The following LDLRAD3 variants were observed in gnomAD, a reference collection of about 807,000 sequenced individuals.
LDLRAD3 encodes low density lipoprotein receptor class A domain containing 3, also known as low-density lipoprotein receptor class A domain-containing protein 3.
Under a neutral mutation model 29.4 loss-of-function variants are expected in LDLRAD3, and 20 were observed. The observed-to-expected ratio is 0.68, with a 90% CI of 0.48 to 0.99. The LOEUF is 0.99. Ranked by LOEUF, LDLRAD3 falls within the 50% of genes least tolerant of loss-of-function variation. LDLRAD3 has a pLI of 0.00. For missense variants in LDLRAD3, 420 were observed against 454.3 expected (o/e 0.92, Z 0.69); for synonymous variants, 157 against 192.7 (o/e 0.81, Z 1.53).
chr11:36,169,888 GT>G (rs1419729409), intron 4 of LDLRAD3, among the ~76,000 whole-genome samples: 1 of 152,048 alleles, frequency 6.6e-6, no homozygotes, highest in African/African-American at 2.4e-5. Flanking sequence ...AATTCAATAG[GT>G]TTTTGGGGAA....
intron 4 of LDLRAD3, among the ~76,000 whole-genome samples, chr11:36,164,721 C>A (rs928931441): frequency 4.6e-5 from 7 of 152,206 alleles, no homozygotes; most frequent in African/African-American, 1.7e-4. Context: ...TCTGACTCTT[C>A]CTTTAACTTC....
intron 1 of LDLRAD3, among the ~76,000 whole-genome samples, chr11:36,019,242 A>G (rs984162099): frequency 1.3e-5 from 2 of 152,202 alleles, no homozygotes; most frequent in Non-Finnish European, 2.9e-5. Flanking sequence ...GCGGGTGTTC[A>G]GTGCAAAGCT....
chr11:36,188,272 T>C (rs1244922779), intron 4 of LDLRAD3, among the ~76,000 whole-genome samples: 2 of 147,570 alleles, frequency 1.4e-5, no homozygotes, highest in African/African-American at 5.0e-5. Context: ...TTTAAAGTGG[T>C]AACTTGAATA....
intron 2 of LDLRAD3, among the ~76,000 whole-genome samples, chr11:36,060,934 A>T (rs1852688774): frequency 6.6e-6 from 1 of 152,206 alleles, no homozygotes; most frequent in Admixed American, 6.5e-5. Flanking sequence ...ATAACAGATA[A>T]ATATGTATAT....
chr11:35,984,451 G>C (rs572134968), intron 1 of LDLRAD3, among the ~76,000 whole-genome samples: 1 of 152,316 alleles, frequency 6.6e-6, no homozygotes, highest in East Asian at 1.9e-4. Context: ...ACTTTCAGCA[G>C]CAAGTGACTT....
rs1851022777 is a variant in LDLRAD3 at position 35,944,114 on chromosome 11, C to T, written c.16C>T (p.Pro6Ser). The T allele has an allele frequency of 9.4e-7, 1 of 1,067,214 alleles. No homozygotes were observed. The allele number at this position is 1,067,214 out of a possible 1,614,324, so 66.1% of individuals were successfully genotyped here. A position where few individuals can be genotyped will look rare whatever the true frequency, so the allele number is the denominator to read the frequency against. The part of the protein sequence containing the change: MWLLG[P>S]LCLLLSSAAE... Reference sequence around the variant, plus strand: ...CGGCCGCGCCATGTGGCTGCTGGGGCCGCTGTGCCTGCTGCTGAGCAGCGC... The same window carrying T: ...CGGCCGCGCCATGTGGCTGCTGGGGTCGCTGTGCCTGCTGCTGAGCAGCGC... Residue 6 changes from proline to serine, a missense_variant, in exon 1 of 6, where the codon CCG (proline) becomes TCG (serine). By Grantham distance (74) the Pro-to-Ser change is moderately conservative. Coordinates refer to ENST00000315571, the MANE Select transcript of LDLRAD3 (RefSeq NM_174902.4). This position sits in a 1 kb window ranked among gnomAD's most constrained non-coding sequence, Gnocchi z 4.9.
chr11:36,212,337 A>G (rs1274314000), intron 4 of LDLRAD3, among the ~76,000 whole-genome samples: 1 of 152,102 alleles, frequency 6.6e-6, no homozygotes, highest in South Asian at 2.1e-4. Flanking sequence ...TGTGGCCTGC[A>G]GTAGGAGAGG....
At chr11:36,118,516 A>AGAGAGAGAGAGAGAAGGAGG (rs1853706124) in intron 4 of LDLRAD3, among the ~76,000 whole-genome samples, 2 of 151,070 alleles carry the variant, frequency 1.3e-5, no homozygotes, top group Non-Finnish European at 3.0e-5. Flanking sequence ...TGTGTGTGAG[A>AGAGAGAGAGAGAGAAGGAGG]GAGAGAGAGA....
intron 4 of LDLRAD3, among the ~76,000 whole-genome samples, chr11:36,226,335 C>A (rs568342616): frequency 1.3e-5 from 2 of 152,154 alleles, no homozygotes; most frequent in African/African-American, 4.8e-5. Flanking sequence ...CTGGGCTGTG[C>A]TGGCTCTCCA....
chr11:35,995,953 G>C (rs1851748513), intron 1 of LDLRAD3, among the ~76,000 whole-genome samples: 1 of 152,204 alleles, frequency 6.6e-6, no homozygotes, highest in South Asian at 2.1e-4. Flanking sequence ...TGGCTGGTTT[G>C]ATTTTTCTCT....
chr11:36,226,997 C>T, intron 4 of LDLRAD3, 88 bp from the exon 5 acceptor site: 1 of 1,052,436 alleles, frequency 9.5e-7, no homozygotes. Flanking sequence ...TGAACATTCG[C>T]ATGCAAGTTC....
chr11:36,003,409 C>G (rs1851848392), intron 1 of LDLRAD3, among the ~76,000 whole-genome samples: 1 of 152,192 alleles, frequency 6.6e-6, no homozygotes, highest in Non-Finnish European at 1.5e-5. Flanking sequence ...TGAGTCCTTT[C>G]AGTCAGGAGG....
chr11:36,147,451 T>C (rs1854214557), intron 4 of LDLRAD3, among the ~76,000 whole-genome samples: 1 of 152,180 alleles, frequency 6.6e-6, no homozygotes, highest in African/African-American at 2.4e-5. Context: ...ACCAGTCATT[T>C]GACTTAGGGT....
intron 2 of LDLRAD3, among the ~76,000 whole-genome samples, chr11:36,077,557 CCAGGTATGCCAGCTGTGGTGGGGCAGG>C (rs1853034823): frequency 6.6e-6 from 1 of 152,242 alleles, no homozygotes; most frequent in Non-Finnish European, 1.5e-5. Context: ...CACTGCACAG[CCAGGTATGCCAGCTGTGGTGGGGCAGG>C]CAGCTCCAGG....
intron 4 of LDLRAD3, among the ~76,000 whole-genome samples, chr11:36,108,820 A>G (rs1490483819): frequency 6.6e-6 from 1 of 152,196 alleles, no homozygotes; most frequent in Non-Finnish European, 1.5e-5. Flanking sequence ...ATCTAGAAAA[A>G]TGGTTGCCAT....
chr11:36,016,677 A>C (rs1370258253), intron 1 of LDLRAD3, among the ~76,000 whole-genome samples: 1 of 152,214 alleles, frequency 6.6e-6, no homozygotes, highest in Non-Finnish European at 1.5e-5. Flanking sequence ...AGGACCTCTC[A>C]GTTCCTTCCC....
intron 2 of LDLRAD3, among the ~76,000 whole-genome samples, chr11:36,062,423 A>G (rs1341474191): frequency 1.3e-5 from 2 of 152,104 alleles, no homozygotes; most frequent in East Asian, 3.9e-4. Flanking sequence ...TACTCGACAC[A>G]CAGAAAGCCA....
At chr11:36,057,445 G>A (rs781686878) in intron 2 of LDLRAD3, among the ~76,000 whole-genome samples, 1 of 152,144 alleles carries the variant, frequency 6.6e-6, no homozygotes, top group Non-Finnish European at 1.5e-5. Context: ...ACTGGCTCTT[G>A]TTCCTTCTCC....
intron 4 of LDLRAD3, among the ~76,000 whole-genome samples, chr11:36,203,955 A>G (rs1050779524): frequency 2.0e-5 from 3 of 152,098 alleles, no homozygotes; most frequent in Admixed American, 2.0e-4. Flanking sequence ...GATGGGCCCC[A>G]GTGAATGCTG....
Sources: gnomAD v4.1 joint callset for allele counts (sites outside exome capture counted in the v4.1 genomes callset) on GRCh38, gnomAD v4.1.1 for gene constraint, Gnocchi (gnomAD v3.1) non-coding constraint, MANE v1.5 for transcripts, NCBI Gene and HGNC (gene_info 2026-07-23, HGNC 2026-07-21) for gene names.